LRRC72: variants seen among roughly 807,000 people sequenced by gnomAD.
LRRC72 encodes the protein leucine rich repeat containing 72.
A neutral mutation model predicts 35.8 loss-of-function variants in LRRC72; 41 were observed. That is an observed-to-expected ratio of 1.15 (90% confidence interval 0.89 to 1.49). The LOEUF is 1.49. Among genes scored for constraint, LRRC72 ranks in the 40% most tolerant of loss-of-function variants. LRRC72 has a pLI of 0.00. For missense variants in LRRC72, 389 were observed against 330.7 expected, an observed-to-expected ratio of 1.18 and a Z score of -1.37; for synonymous variants, 118 against 119.2, an observed-to-expected ratio of 0.99 and a Z score of 0.07.
intron 7 of LRRC72, among the ~76,000 whole-genome samples, chr7:16,570,010 A>G (rs1452471435): frequency 6.6e-6 from 1 of 151,956 alleles, no homozygotes; most frequent in Non-Finnish European, 1.5e-5. Flanking sequence ...AGCCTGGGCA[A>G]CAGAGGGAGA....
At chr7:16,568,195 G>T (rs2128338343) in intron 7 of LRRC72, among the ~76,000 whole-genome samples, 1 of 152,282 alleles carries the variant, frequency 6.6e-6, no homozygotes. Context: ...GGATATATCT[G>T]TCTTTTGTTC....
At chr7:16,564,092 G>A (rs532676880) in intron 5 of LRRC72, among the ~76,000 whole-genome samples, 100 of 152,266 alleles carry the variant, frequency 6.6e-4, no homozygotes, top group African/African-American at 2.1e-3. Context: ...AGAAGACGAA[G>A]GGTACACCTA....
At chr7:16,555,050 G>A (rs1782626911) in intron 3 of LRRC72, among the ~76,000 whole-genome samples, 1 of 152,152 alleles carries the variant, frequency 6.6e-6, no homozygotes, top group East Asian at 1.9e-4. Context: ...AGGCCAGTGG[G>A]AAAAGTTCGA....
chr7:16,558,582 C>G (rs867013156), intron 4 of LRRC72, among the ~76,000 whole-genome samples: 20 of 151,864 alleles, frequency 1.3e-4, no homozygotes, highest in Middle Eastern at 3.4e-3. Flanking sequence ...TGCACTCCAG[C>G]CTGGGCAACA....
At chr7:16,578,000 A>C (rs1007248874) in intron 7 of LRRC72, among the ~76,000 whole-genome samples, 6 of 152,192 alleles carry the variant, frequency 3.9e-5, no homozygotes, top group African/African-American at 1.4e-4. Flanking sequence ...ACCATTTGAC[A>C]CAGCAACTAA....
In LRRC72 at chr7:16,566,361, T is replaced by A; in HGVS notation, c.476T>A (p.Ile159Asn). ...LCQYNLYRLY[I>N]IYHLPGVELL... ...CAATATAACCTGTATCGTTTATATA[T>A]CATCTACCACCTTCCAGGAGTGGAG... is the stretch of plus-strand genomic sequence containing the variant. Residue 159 changes from isoleucine to asparagine, a missense_variant, in exon 6 of 9, where the codon ATC becomes AAC. Transcript: ENST00000401542. 6.5e-7 allele frequency: 1 copy of A among 1,547,644 alleles called. No individual in the cohort carries two copies. Among genetic ancestry groups the A allele is most frequent in the Non-Finnish European group, 8.7e-7 (1 of 1,145,900 alleles).
At position 16,577,023 on chromosome 7, in the gene LRRC72, C is replaced by T. The variant is rs117728017; in HGVS notation, c.671-3051C>T. Reference sequence around the variant, plus strand: ...TGAAAGGTATGAGCTGGGAGATCAACGGCTCAGGAAATCAAGTCTTGAAGA... The same window carrying T: ...TGAAAGGTATGAGCTGGGAGATCAATGGCTCAGGAAATCAAGTCTTGAAGA... On this transcript the variant is annotated intron_variant, in intron 7 of 8. Coordinates refer to ENST00000401542, the MANE Select transcript of LRRC72 (RefSeq NM_001195280.2). Among the ~76,000 whole-genome samples the T allele has an allele frequency of 7.2e-3, 1,095 of 152,312 alleles. 2 individuals carry two copies. The highest frequency in any genetic ancestry group is 0.01 in the Admixed American group (159 of 15,302).
intron 3 of LRRC72, among the ~76,000 whole-genome samples, chr7:16,539,677 G>C (rs1782321997): frequency 6.6e-6 from 1 of 152,120 alleles, no homozygotes; most frequent in Non-Finnish European, 1.5e-5. Flanking sequence ...GCTCTGTGCA[G>C]CCTCAGGACT....
In LRRC72 at chr7:16,527,260, G is replaced by A. The variant is rs1208846602; in HGVS notation, c.90+218G>A. On this transcript the variant is annotated intron_variant, in intron 1 of 8. Coordinates refer to ENST00000401542, the MANE Select transcript of LRRC72 (RefSeq NM_001195280.2). Reference sequence around the variant, plus strand: ...GATGTGAACAGCTACGAGCGGTGGCGAACCCCCCTCAGCATCTCTGCCTGG... The same window carrying A: ...GATGTGAACAGCTACGAGCGGTGGCAAACCCCCCTCAGCATCTCTGCCTGG... 2.6e-5 allele frequency among the ~76,000 whole-genome samples: 4 copies of A among 152,124 alleles called. No individual in the cohort carries two copies. In the South Asian group the frequency reaches 6.2e-4, roughly 24 times the overall value.
At chr7:16,529,469 T>C (rs1008250966) in intron 1 of LRRC72, among the ~76,000 whole-genome samples, 4 of 152,176 alleles carry the variant, frequency 2.6e-5, no homozygotes, top group Admixed American at 2.0e-4. Flanking sequence ...GTTACTATCG[T>C]AATTGCTTAA....
At chr7:16,532,629 T>C (rs1782188150) in intron 2 of LRRC72, 61 bp downstream of exon 2, 1 of 1,246,882 alleles carries the variant, frequency 8.0e-7, no homozygotes, top group Non-Finnish European at 1.1e-6. Flanking sequence ...TGTTAAAATG[T>C]TTCACAGATT....
intron 1 of LRRC72, among the ~76,000 whole-genome samples, chr7:16,531,253 A>G (rs902508329): frequency 6.6e-6 from 1 of 151,868 alleles, no homozygotes; most frequent in East Asian, 1.9e-4. Context: ...AGCCTGATCC[A>G]ATGGGTTTTT....
At chr7:16,528,896 A>G (rs2128333970) in intron 1 of LRRC72, among the ~76,000 whole-genome samples, 1 of 152,258 alleles carries the variant, frequency 6.6e-6, no homozygotes, top group Non-Finnish European at 1.5e-5. Context: ...TTCTGAAACA[A>G]TTTGATATTG....
At chr7:16,553,862 G>T (rs1782599054) in intron 3 of LRRC72, among the ~76,000 whole-genome samples, 1 of 152,042 alleles carries the variant, frequency 6.6e-6, no homozygotes, top group Non-Finnish European at 1.5e-5. Flanking sequence ...AAATATAAAA[G>T]CTCCCAGCTC....
chr7:16,558,878 G>GT lies in LRRC72; in HGVS notation c.317-3dup, dbSNP rs771322203. ...GTTTAAAATCTTGTAAAAATATTCT[G>GT]TTTTTTTTAGGTCTGCATTATTTGC... On this transcript the variant is annotated splice_polypyrimidine_tract_variant and intron_variant, in intron 4 of 8. Coordinates refer to ENST00000401542, the MANE Select transcript of LRRC72 (RefSeq NM_001195280.2). The GT allele has an allele frequency of 1.5e-4, 200 of 1,354,060 alleles. No homozygotes were observed. The highest frequency in any genetic ancestry group is 3.6e-4 in the East Asian group (13 of 35,636). The allele number at this position is 1,354,060 out of a possible 1,614,324, so 83.9% of individuals were successfully genotyped here.
At position 16,580,080 on chromosome 7, in the gene LRRC72, C is replaced by T; in HGVS notation, c.677C>T (p.Ala226Val). 4.8e-6 allele frequency: 2 copies of T among 419,524 alleles called. No individual in the cohort carries two copies. Among genetic ancestry groups the T allele is most frequent in the African/African-American group, 2.2e-5 (1 of 46,134 alleles). The allele number at this position is 419,524 out of a possible 1,614,324, so 26.0% of individuals were successfully genotyped here. ...AAATGTATTTTTTTTTTAGATTTTGCATTTGCAAATAATGTAGACAAGTAA... is the reference window on the plus strand; with the variant it reads ...AAATGTATTTTTTTTTTAGATTTTGTATTTGCAAATAATGTAGACAAGTAA... ...KPAQRVPSDF[A>V]FANNVDKTVL... The change falls in exon 8 of 9, where the codon GCA becomes GTA. Residue 226 changes from alanine to valine, a missense_variant. Coordinates refer to ENST00000401542, the MANE Select transcript of LRRC72 (RefSeq NM_001195280.2).
At chr7:16,546,605 T>G (rs1782447107) in intron 3 of LRRC72, among the ~76,000 whole-genome samples, 1 of 152,136 alleles carries the variant, frequency 6.6e-6, no homozygotes, top group Non-Finnish European at 1.5e-5. Flanking sequence ...TCTGCTACAT[T>G]CAGCCAAGTT....
In LRRC72 at chr7:16,566,345, C is replaced by G. The variant is rs1402935845; in HGVS notation, c.460C>G (p.Leu154Val). ...LYQNPLCQYN[L>V]YRLYIIYHLP... ...CCAAAATCCTTTGTGCCAATATAAC[C>G]TGTATCGTTTATATATCATCTACCA... The change falls in exon 6 of 9, where the codon CTG becomes GTG. Residue 154 changes from leucine (L) to valine (V), a missense_variant. Physicochemically the swap from Leu to Val is conservative, Grantham distance 32. Transcript: ENST00000401542. 5.3e-5 allele frequency: 82 copies of G among 1,546,108 alleles called. No homozygotes were observed. Among genetic ancestry groups the G allele is most frequent in the Non-Finnish European group, 6.6e-5 (76 of 1,145,356 alleles).
chr7:16,559,462 G>C (rs180904858), intron 5 of LRRC72, among the ~76,000 whole-genome samples: 21 of 152,062 alleles, frequency 1.4e-4, no homozygotes, highest in Admixed American at 3.9e-4. Context: ...ATACGCTTTT[G>C]AAAAAACAAC....
Sources: allele counts gnomAD v4.1 joint callset (sites outside exome capture counted in the v4.1 genomes callset), GRCh38; gene constraint gnomAD v4.1.1; transcripts MANE v1.5; gene names NCBI Gene and HGNC (gene_info 2026-07-23, HGNC 2026-07-21).